Variants in ADGRA3 observed in about 807,000 individuals in gnomAD.
ADGRA3 encodes G-protein coupled receptor 125.
Under a neutral mutation model 119.8 loss-of-function variants are expected in ADGRA3, and 56 were observed. The observed-to-expected ratio is 0.47, with a 90% CI of 0.38 to 0.58. ADGRA3 has a LOEUF of 0.58. Ranked by LOEUF, ADGRA3 falls within the 20% of genes least tolerant of loss-of-function variation. The pLI is 0.00. For missense variants in ADGRA3, 1,516 were observed against 1,649.0 expected, an observed-to-expected ratio of 0.92 and a Z score of 1.40; for synonymous variants, 607 against 623.8, an observed-to-expected ratio of 0.97 and a Z score of 0.40.
At chr4:22,490,246 T>A (rs1301719722) in intron 1 of ADGRA3, among the ~76,000 whole-genome samples, 1 of 113,738 alleles carries the variant, frequency 8.8e-6, no homozygotes, top group Non-Finnish European at 2.1e-5. Flanking sequence ...TGCCTAAAAA[T>A]GAAAAACTGT....
chr4:22,486,908 T>C (rs1718449577), intron 1 of ADGRA3, among the ~76,000 whole-genome samples: 1 of 152,198 alleles, frequency 6.6e-6, no homozygotes, highest in African/African-American at 2.4e-5. Context: ...TATATGAGAA[T>C]GTGTGGTGAA....
In ADGRA3 at chr4:22,421,154, G is replaced by T. The variant is rs140770338; in HGVS notation, c.1606-65C>A. ...AGCACAAAGGAAAAGCACTTTCAAA[G>T]ACTTTTCAAACACAAAACACTATGC... is the stretch of plus-strand genomic sequence containing the variant. On this transcript the variant is annotated intron_variant, in intron 11 of 18. Coordinates refer to ENST00000334304, the MANE Select transcript of ADGRA3 (RefSeq NM_145290.4). 130 of 1,394,212 alleles carry T rather than the reference G, an allele frequency of 9.3e-5. No homozygotes were observed. The Admixed American group carries it at 2.0e-3, about 21-fold the overall frequency. The allele number at this position is 1,394,212 out of a possible 1,614,324, so 86.4% of individuals were successfully genotyped here. A position where few individuals can be genotyped will look rare whatever the true frequency, so the allele number is the denominator to read the frequency against.
intron 3 of ADGRA3, among the ~76,000 whole-genome samples, chr4:22,457,046 TC>T (rs1289235388): frequency 6.6e-6 from 1 of 152,204 alleles, no homozygotes; most frequent in Non-Finnish European, 1.5e-5. Context: ...TAATCTTGTC[TC>T]AATTCTGAGC....
At chr4:22,410,547 C>T (rs901731626) in intron 14 of ADGRA3, among the ~76,000 whole-genome samples, 2 of 151,800 alleles carry the variant, frequency 1.3e-5, no homozygotes, top group Non-Finnish European at 2.9e-5. Context: ...TGGACTATAT[C>T]CCAAGATAGG....
At chr4:22,425,439 T>C (rs1167047696) in intron 10 of ADGRA3, among the ~76,000 whole-genome samples, 1 of 152,152 alleles carries the variant, frequency 6.6e-6, no homozygotes, top group Admixed American at 6.5e-5. Flanking sequence ...AACTCATACG[T>C]CTCACCTGAG....
Position 22,515,552 on chromosome 4 carries a change from G to GT in ADGRA3, c.232dup (p.Thr78AsnfsTer13). 6.2e-7 allele frequency: 1 copy of GT among 1,602,980 alleles called. No individual in the cohort carries two copies. Among genetic ancestry groups the GT allele is most frequent in the Non-Finnish European group, 8.5e-7 (1 of 1,173,562 alleles). On this transcript the variant is annotated frameshift_variant, in exon 1 of 19. Coordinates refer to ENST00000334304, the MANE Select transcript of ADGRA3 (RefSeq NM_145290.4). LOFTEE classifies it high-confidence loss of function. Reference sequence around the variant, plus strand: ...CAGGGTGACCGTGCGGTTGGGCAGAGTATCTGGGGGCAGGACCTGCGCGAG... The same window carrying GT: ...CAGGGTGACCGTGCGGTTGGGCAGAGTTATCTGGGGGCAGGACCTGCGCGAG...
chr4:22,403,190 G>A (rs1714744447), intron 14 of ADGRA3, among the ~76,000 whole-genome samples: 1 of 151,996 alleles, frequency 6.6e-6, no homozygotes, highest in Admixed American at 6.6e-5. Flanking sequence ...CACAATGAGA[G>A]CAGTATCTCT....
At chr4:22,511,895 CTTTT>C (rs5856700) in intron 1 of ADGRA3, among the ~76,000 whole-genome samples, 6 of 102,620 alleles carry the variant, frequency 5.8e-5, no homozygotes, top group African/African-American at 2.4e-4. Context: ...TTCTTTCTTT[CTTTT>C]TTTTTTTTTT....
At chr4:22,491,878 T>C (rs1205322278) in intron 1 of ADGRA3, among the ~76,000 whole-genome samples, 1 of 152,200 alleles carries the variant, frequency 6.6e-6, no homozygotes, top group African/African-American at 2.4e-5. Context: ...TTTAACACAC[T>C]GGTCAACTAT....
At chr4:22,506,021 A>C (rs1719224117) in intron 1 of ADGRA3, among the ~76,000 whole-genome samples, 1 of 152,194 alleles carries the variant, frequency 6.6e-6, no homozygotes, top group Admixed American at 6.5e-5. Flanking sequence ...AAGAGTAAAT[A>C]CCAAAAGTGA....
intron 9 of ADGRA3, among the ~76,000 whole-genome samples, chr4:22,436,052 T>C (rs1020184904): frequency 6.6e-6 from 1 of 152,090 alleles, no homozygotes; most frequent in African/African-American, 2.4e-5. Context: ...AAAAGATGCA[T>C]AGAAGCAAAG....
intron 2 of ADGRA3, among the ~76,000 whole-genome samples, chr4:22,470,098 C>T (rs967240625): frequency 7.2e-5 from 11 of 152,098 alleles, no homozygotes; most frequent in African/African-American, 2.7e-4. Context: ...CCTGTTGAGG[C>T]AATACTTGCA....
intron 1 of ADGRA3, chr4:22,478,005 T>C (rs1261206470): frequency 6.6e-6 from 1 of 152,150 alleles, no homozygotes; most frequent in Non-Finnish European, 1.5e-5. Context: ...TCAAACTTTC[T>C]AGGAGGTAAG....
At chr4:22,389,946 C>G (rs1341712678) in intron 17 of ADGRA3, among the ~76,000 whole-genome samples, 2 of 152,092 alleles carry the variant, frequency 1.3e-5, no homozygotes, top group Non-Finnish European at 2.9e-5. Flanking sequence ...AAATCTTGCA[C>G]TGGGTGGATA....
intron 10 of ADGRA3, among the ~76,000 whole-genome samples, chr4:22,424,660 GA>G (rs1381625690): frequency 6.6e-6 from 1 of 152,198 alleles, no homozygotes; most frequent in African/African-American, 2.4e-5. Flanking sequence ...TAAAGAGAAG[GA>G]AAGGATGTCA....
intron 11 of ADGRA3, among the ~76,000 whole-genome samples, chr4:22,423,424 C>T (rs6854828): frequency 0.048 from 7,230 of 152,158 alleles, 316 homozygotes; most frequent in African/African-American, 0.12. Context: ...GAATATTCTA[C>T]ACTATGTCAG....
Position 22,401,501 on chromosome 4 carries a change from T to C in ADGRA3, c.2411A>G (p.His804Arg). The change falls in exon 16 of 19, where the codon CAT (histidine) becomes CGT (arginine). Residue 804 changes from histidine (H) to arginine (R), a missense_variant. Physicochemically the swap from His to Arg is conservative, Grantham distance 29. This residue lies in a region of ADGRA3 where 1,088 missense variants were observed against 1,107.1 expected (regional missense o/e 0.98). Transcript: ENST00000334304. ...AAAGACCACACAGGTTAGGAAAATA[T>C]GAAAGCACAAGTTCACAAGCATGTG... Reference protein sequence around the residue: ...SWHMLVNLCFHIFLTCVVFVG... With the variant: ...SWHMLVNLCFRIFLTCVVFVG... The C allele has an allele frequency of 6.2e-7, 1 of 1,611,760 alleles. No individual in the cohort carries two copies. The highest frequency in any genetic ancestry group is 8.5e-7 in the Non-Finnish European group (1 of 1,178,648).
chr4:22,457,589 C>T (rs963312155), intron 3 of ADGRA3, among the ~76,000 whole-genome samples: 2 of 152,182 alleles, frequency 1.3e-5, no homozygotes, highest in African/African-American at 2.4e-5. Flanking sequence ...CAAGAGACTA[C>T]TTAACGTGTA....
chr4:22,515,415 C>T (rs1018569649), intron 1 of ADGRA3, 113 bp downstream of exon 1: 1 of 1,323,050 alleles, frequency 7.6e-7, no homozygotes, highest in Non-Finnish European at 1.0e-6. Context: ...CGCCCCCTGC[C>T]TACAGCTCCA....
Sources: allele counts gnomAD v4.1 joint callset (sites outside exome capture counted in the v4.1 genomes callset), GRCh38; gene constraint gnomAD v4.1.1; regional missense constraint gnomAD v4.1.1; transcripts MANE v1.5; gene names NCBI Gene and HGNC (gene_info 2026-07-23, HGNC 2026-07-21).